TMEM196: variants seen among roughly 807,000 people sequenced by gnomAD.
TMEM196 encodes the protein transmembrane protein 196.
Under a neutral mutation model 20.0 loss-of-function variants are expected in TMEM196, and 17 were observed. That is an observed-to-expected ratio of 0.85 (90% CI 0.58 to 1.27). TMEM196 has a LOEUF of 1.27. Ranked by LOEUF, TMEM196 falls within the 50% of genes most tolerant of loss-of-function variation. The pLI, the probability that TMEM196 is intolerant of heterozygous loss-of-function variation, is 0.00. For synonymous variants in TMEM196, 113 were observed against 88.9 expected (o/e 1.27, Z -1.52); for missense variants, 267 against 223.0 (o/e 1.20, Z -1.26).
At chr7:19,729,992 C>G (rs1225715651) in intron 1 of TMEM196, among the ~76,000 whole-genome samples, 2 of 152,124 alleles carry the variant, frequency 1.3e-5, no homozygotes, top group East Asian at 3.9e-4. Context: ...CGCGGTGGCT[C>G]ACACCTGTAA....
At chr7:19,733,732 T>C (rs1784294202) in intron 1 of TMEM196, among the ~76,000 whole-genome samples, 1 of 151,042 alleles carries the variant, frequency 6.6e-6, no homozygotes, top group Non-Finnish European at 1.5e-5. Context: ...CTATACGAAG[T>C]AGAGGACATT....
chr7:19,724,196 T>C (rs541666061), intron 4 of TMEM196, 84 bp downstream of exon 4: 1 of 1,180,372 alleles, frequency 8.5e-7, no homozygotes, highest in African/African-American at 1.5e-5. Flanking sequence ...TTCAGACTGA[T>C]CTGTTGACAT....
rs983443582 is a variant in TMEM196, at chr7:19,721,775, G to A, written c.*353C>T. On this transcript the variant is annotated 3_prime_UTR_variant, in exon 5 of 5. Coordinates refer to ENST00000405844, the MANE Select transcript of TMEM196 (RefSeq NM_001363562.2). The stretch of plus-strand genomic sequence containing the variant: ...ATATAATAATCATGCTAGTCAAATA[G>A]TGTTTGTATAGAATATGCATTTTAT... The A allele has an allele frequency of 1.9e-5, 5 of 258,924 alleles. No homozygotes were observed. The South Asian group carries it at 3.2e-4, about 17-fold the overall frequency. 16.0% of individuals were successfully genotyped at this position (258,924 alleles called of 1,614,324 possible). A position where few individuals can be genotyped will look rare whatever the true frequency, so the allele number is the denominator to read the frequency against.
chr7:19,763,909 A>G (rs750133629), intron 1 of TMEM196, among the ~76,000 whole-genome samples: 8 of 152,176 alleles, frequency 5.3e-5, no homozygotes, highest in Non-Finnish European at 1.0e-4. Flanking sequence ...GAGATAATGT[A>G]ACTCAGTCAA....
At chr7:19,738,732 C>G (rs999725642) in intron 1 of TMEM196, among the ~76,000 whole-genome samples, 3 of 151,968 alleles carry the variant, frequency 2.0e-5, no homozygotes, top group Non-Finnish European at 4.4e-5. Context: ...GGGATTATGA[C>G]CCAATGTGTA....
intron 1 of TMEM196, among the ~76,000 whole-genome samples, chr7:19,755,793 C>G (rs1402798690): frequency 1.3e-5 from 2 of 152,150 alleles, no homozygotes; most frequent in African/African-American, 4.8e-5. Flanking sequence ...CTTTGGGAGG[C>G]TGAGGCAGGC....
intron 1 of TMEM196, among the ~76,000 whole-genome samples, chr7:19,746,209 A>G (rs1468138798): frequency 6.6e-6 from 1 of 152,190 alleles, no homozygotes; most frequent in Non-Finnish European, 1.5e-5. Flanking sequence ...ATAATTTCTA[A>G]TCAATAGAGC....
intron 1 of TMEM196, among the ~76,000 whole-genome samples, chr7:19,759,724 G>A (rs146353155): frequency 1.3e-5 from 2 of 151,960 alleles, no homozygotes; most frequent in Non-Finnish European, 2.9e-5. Context: ...ACAGAAACTC[G>A]ATTCTATCAT....
intron 1 of TMEM196, among the ~76,000 whole-genome samples, chr7:19,750,055 G>T (rs776279042): frequency 4.7e-4 from 72 of 152,222 alleles, no homozygotes; most frequent in South Asian, 8.3e-4. Flanking sequence ...TCTACCCATT[G>T]TCTACACATT....
intron 1 of TMEM196, among the ~76,000 whole-genome samples, chr7:19,732,824 T>C (rs1310476064): frequency 6.6e-6 from 1 of 152,184 alleles, no homozygotes; most frequent in Admixed American, 6.5e-5. Flanking sequence ...TAAAGGAATT[T>C]GTTATAATAT....
rs139125155 is a variant in TMEM196, at chr7:19,763,288, T to A, written c.147+9262A>T. Among the ~76,000 whole-genome samples the A allele has an allele frequency of 4.0e-4, 61 of 152,314 alleles. 1 individual carries two copies. The highest frequency in any genetic ancestry group is 1.5e-3 in the African/African-American group (61 of 41,574). ...AATGTGGTTTATTATAAACATAAGC[T>A]GCCATTGCTGTTATCAACATCATTG... is the stretch of plus-strand genomic sequence containing the variant. On this transcript the variant is annotated intron_variant, in intron 1 of 4. Transcript: ENST00000405844.
chr7:19,772,085 AG>A (rs1785903613), intron 1 of TMEM196, among the ~76,000 whole-genome samples: 1 of 152,174 alleles, frequency 6.6e-6, no homozygotes, highest in Admixed American at 6.5e-5. Flanking sequence ...ATTATTGCCC[AG>A]GGATAAATGC....
At chr7:19,763,732 C>T (rs1246957205) in intron 1 of TMEM196, among the ~76,000 whole-genome samples, 1 of 152,034 alleles carries the variant, frequency 6.6e-6, no homozygotes, top group Non-Finnish European at 1.5e-5. Flanking sequence ...ATAGATTTTC[C>T]AGAAAAATGA....
intron 1 of TMEM196, among the ~76,000 whole-genome samples, chr7:19,730,757 G>T (rs778998271): frequency 1.3e-5 from 2 of 152,160 alleles, no homozygotes; most frequent in Admixed American, 6.5e-5. Context: ...CAATAAGTAA[G>T]GGAAGTTGTT....
intron 1 of TMEM196, among the ~76,000 whole-genome samples, chr7:19,769,393 C>G (rs768250860): frequency 2.0e-5 from 3 of 152,030 alleles, no homozygotes; most frequent in Admixed American, 6.6e-5. Context: ...CTCCTATGGT[C>G]TGGCCCCAAT....
intron 1 of TMEM196, among the ~76,000 whole-genome samples, chr7:19,745,096 A>C (rs1262355424): frequency 6.6e-6 from 1 of 152,114 alleles, no homozygotes; most frequent in African/African-American, 2.4e-5. Flanking sequence ...TTTGCATATC[A>C]TCTTCCTACA....
At chr7:19,767,532 C>T (rs185793009) in intron 1 of TMEM196, among the ~76,000 whole-genome samples, 166 of 151,892 alleles carry the variant, frequency 1.1e-3, no homozygotes, top group Non-Finnish European at 1.8e-3. Flanking sequence ...TTCTACATGG[C>T]GAAATGTCTG....
intron 1 of TMEM196, among the ~76,000 whole-genome samples, chr7:19,757,404 T>C (rs1785265283): frequency 6.8e-6 from 1 of 147,370 alleles, no homozygotes; most frequent in South Asian, 2.1e-4. Flanking sequence ...GAGATGGGGT[T>C]TCACTTGACC....
intron 1 of TMEM196, among the ~76,000 whole-genome samples, chr7:19,752,201 T>C (rs1406630533): frequency 6.6e-6 from 1 of 152,210 alleles, no homozygotes; most frequent in Non-Finnish European, 1.5e-5. Flanking sequence ...TCAGTGTGCA[T>C]GTAGCCAGAT....
Sources: allele counts gnomAD v4.1 joint callset (sites outside exome capture counted in the v4.1 genomes callset), GRCh38; gene constraint gnomAD v4.1.1; transcripts MANE v1.5; gene names NCBI Gene and HGNC (gene_info 2026-07-23, HGNC 2026-07-21).